Variants in SLIT3 observed in about 807,000 individuals in gnomAD.
SLIT3 encodes the protein slit guidance ligand 3.
Under a neutral mutation model 184.0 loss-of-function variants are expected in SLIT3, and 68 were observed. The ratio of observed to expected loss-of-function variants is 0.37; its 90% CI spans 0.30 to 0.45. SLIT3 has a LOEUF of 0.45. Among genes scored for constraint, SLIT3 ranks in the 20% least tolerant of loss-of-function variants. SLIT3 has a pLI of 1.00. For synonymous variants in SLIT3, 831 were observed against 828.6 expected (o/e 1.00, Z -0.05); for missense variants, 1,707 against 2,026.0 (o/e 0.84, Z 3.02).
chr5:168,683,840 T>C (rs1357296959), intron 32 of SLIT3, 126 bp downstream of exon 32: 5 of 849,446 alleles, frequency 5.9e-6, no homozygotes, highest in Admixed American at 6.7e-5. Context: ...TGTGCGCACA[T>C]GTGCGTGGTA....
intron 12 of SLIT3, among the ~76,000 whole-genome samples, chr5:168,784,741 C>T (rs1240665595): frequency 1.3e-5 from 2 of 152,146 alleles, no homozygotes; most frequent in South Asian, 4.1e-4. Flanking sequence ...GCCTGCCACC[C>T]CTTTAGAGCC....
chr5:168,834,623 G>C (rs571459989), intron 6 of SLIT3, among the ~76,000 whole-genome samples: 198 of 143,524 alleles, frequency 1.4e-3, no homozygotes, highest in Admixed American at 2.6e-3. Flanking sequence ...GGAGGTGGAG[G>C]TTGCAGTGAG....
intron 4 of SLIT3, among the ~76,000 whole-genome samples, chr5:169,136,554 G>A (rs1363033162): frequency 2.0e-5 from 3 of 152,132 alleles, no homozygotes; most frequent in Non-Finnish European, 4.4e-5. Flanking sequence ...TCCCGTCGTG[G>A]GTCAGTCTGG....
intron 4 of SLIT3, among the ~76,000 whole-genome samples, chr5:169,119,277 C>G (rs1336296466): frequency 6.6e-6 from 1 of 152,198 alleles, no homozygotes; most frequent in East Asian, 1.9e-4. Context: ...GGAACAATTC[C>G]CAGCCTGGAC....
At chr5:168,796,946 G>A (rs369793390) in intron 9 of SLIT3, among the ~76,000 whole-genome samples, 14 of 152,230 alleles carry the variant, frequency 9.2e-5, no homozygotes, top group African/African-American at 2.9e-4. Context: ...GGGAAAGGCG[G>A]GTGAGAGGAG....
chr5:169,272,935 G>C (rs949721086), intron 1 of SLIT3, among the ~76,000 whole-genome samples: 9 of 152,108 alleles, frequency 5.9e-5, no homozygotes, highest in African/African-American at 2.2e-4. Flanking sequence ...CAACCTGCTG[G>C]GGTGGGAGCC....
At chr5:168,791,984 G>A (rs1362536890) in intron 10 of SLIT3, 1 of 152,186 alleles carries the variant, frequency 6.6e-6, no homozygotes, top group Non-Finnish European at 1.5e-5. Flanking sequence ...ATGTATAAGT[G>A]AGAACATTTG....
rs1760032215 is a variant in SLIT3, at chr5:168,883,435, C to T, written c.414-99G>A. ...CAATCCCCCCCACCCAGGCTGCTGCCTCTGCGGTCAGAGTGTATGGCGGCT... is the reference window on the plus strand; with the variant it reads ...CAATCCCCCCCACCCAGGCTGCTGCTTCTGCGGTCAGAGTGTATGGCGGCT... On this transcript the variant is annotated intron_variant, in intron 4 of 35. Coordinates refer to ENST00000519560, the MANE Select transcript of SLIT3 (RefSeq NM_003062.4). 6 of 896,910 alleles carry T rather than the reference C, an allele frequency of 6.7e-6. No individual in the cohort carries two copies. In the East Asian group the frequency reaches 1.0e-4, roughly 15 times the overall value. 55.6% of individuals were successfully genotyped at this position (896,910 alleles called of 1,614,324 possible). A position where few individuals can be genotyped will look rare whatever the true frequency, so the allele number is the denominator to read the frequency against.
intron 4 of SLIT3, among the ~76,000 whole-genome samples, chr5:169,009,477 T>C (rs531815091): frequency 6.6e-6 from 1 of 152,344 alleles, no homozygotes; most frequent in South Asian, 2.1e-4. Flanking sequence ...CCAGGTCAAC[T>C]GTCTGCACCA....
intron 4 of SLIT3, among the ~76,000 whole-genome samples, chr5:168,951,340 T>C (rs1329470534): frequency 2.0e-5 from 3 of 152,154 alleles, no homozygotes; most frequent in African/African-American, 4.8e-5. Flanking sequence ...ATATTATACA[T>C]AAGGTTCTGT....
chr5:169,187,869 T>TAAA (rs34656361), intron 4 of SLIT3, among the ~76,000 whole-genome samples: 66 of 146,692 alleles, frequency 4.5e-4, no homozygotes, highest in Admixed American at 1.9e-3. Context: ...GATAAATTCT[T>TAAA]AAAAAAAAAA....
At chr5:169,001,634 A>G (rs1755705971) in intron 4 of SLIT3, among the ~76,000 whole-genome samples, 1 of 152,208 alleles carries the variant, frequency 6.6e-6, no homozygotes, top group Non-Finnish European at 1.5e-5. Flanking sequence ...GTGAAAAATG[A>G]ACAATTCTTG....
At chr5:168,753,280 T>C (rs1754782432) in intron 17 of SLIT3, among the ~76,000 whole-genome samples, 182 bp from the exon 18 acceptor site, 1 of 152,240 alleles carries the variant, frequency 6.6e-6, no homozygotes, top group African/African-American at 2.4e-5. Context: ...GGGCTGTGTG[T>C]AAATGTGTAT....
At chr5:169,163,432 G>A (rs297817) in intron 4 of SLIT3, among the ~76,000 whole-genome samples, 42,126 of 152,038 alleles carry the variant, frequency 0.28, 6,043 homozygotes, top group Middle Eastern at 0.39. Context: ...GGAAATCCAA[G>A]TTGCACTTAA....
intron 26 of SLIT3, among the ~76,000 whole-genome samples, chr5:168,703,275 T>C (rs1478070404): frequency 8.2e-6 from 1 of 122,260 alleles, no homozygotes; most frequent in Non-Finnish European, 1.7e-5. Context: ...TGTGTGTGTG[T>C]GTGTAGGACA....
intron 23 of SLIT3, among the ~76,000 whole-genome samples, chr5:168,716,867 G>T (rs573605243): frequency 6.6e-6 from 1 of 150,402 alleles, no homozygotes. Flanking sequence ...AAAGAGCACT[G>T]GGCTAGGAGC....
chr5:169,103,579 CA>C (rs1737989414), intron 4 of SLIT3, among the ~76,000 whole-genome samples: 1 of 152,212 alleles, frequency 6.6e-6, no homozygotes, highest in Non-Finnish European at 1.5e-5. Flanking sequence ...TTGCAAAATG[CA>C]GGGATTAAGT....
chr5:168,860,941 C>T (rs1485337208), intron 5 of SLIT3, among the ~76,000 whole-genome samples: 1 of 152,116 alleles, frequency 6.6e-6, no homozygotes, highest in Non-Finnish European at 1.5e-5. Flanking sequence ...TTTCTAGGGA[C>T]CTGTGAGTAA....
intron 4 of SLIT3, among the ~76,000 whole-genome samples, chr5:168,899,445 T>C (rs1322928684): frequency 2.6e-5 from 4 of 152,042 alleles, no homozygotes; most frequent in Non-Finnish European, 5.9e-5. Flanking sequence ...ACCCAGGCGT[T>C]TGAGGTTACA....
Sources: gnomAD v4.1 joint callset for allele counts (sites outside exome capture counted in the v4.1 genomes callset) on GRCh38, gnomAD v4.1.1 for gene constraint, MANE v1.5 for transcripts, NCBI Gene and HGNC (gene_info 2026-07-23, HGNC 2026-07-21) for gene names.